TAOK1: variants seen among roughly 807,000 people sequenced by gnomAD.
TAOK1 encodes TAO kinase 1.
TAOK1 carries 21 observed loss-of-function variants against 138.3 expected under a neutral mutation model. The ratio of observed to expected loss-of-function variants is 0.15; its 90% CI spans 0.11 to 0.22. The LOEUF is 0.22. Among genes scored for constraint, TAOK1 ranks in the 10% least tolerant of loss-of-function variants. The probability of loss-of-function intolerance (pLI) is 1.00; values close to 1 mark genes in which losing one functional copy is unlikely to be tolerated. For missense variants in TAOK1, 651 were observed against 1,227.7 expected (o/e 0.53, Z 7.02); for synonymous variants, 361 against 398.4 (o/e 0.91, Z 1.12).
chr17:29,489,588 A>T, intron 8 of TAOK1, 76 bp from the exon 9 acceptor site: 1 of 938,574 alleles, frequency 1.1e-6, no homozygotes, highest in Non-Finnish European at 1.6e-6. Flanking sequence ...ATTTAAAAAA[A>T]AAAAAGGAAA....
At chr17:29,427,765 A>G (rs1228481732) in intron 1 of TAOK1, among the ~76,000 whole-genome samples, 1 of 151,820 alleles carries the variant, frequency 6.6e-6, no homozygotes, top group Non-Finnish European at 1.5e-5. Flanking sequence ...TGTCTCCACT[A>G]AAAATACAAA....
At chr17:29,497,223 C>T (rs557746603) in intron 11 of TAOK1, among the ~76,000 whole-genome samples, 1 of 151,304 alleles carries the variant, frequency 6.6e-6, no homozygotes, top group African/African-American at 2.4e-5. Flanking sequence ...ATTCTGAAAC[C>T]GTGCTCAATA....
chr17:29,401,368 C>G (rs900662670), intron 1 of TAOK1, among the ~76,000 whole-genome samples: 2 of 152,116 alleles, frequency 1.3e-5, no homozygotes, highest in African/African-American at 2.4e-5. Context: ...AGAAAACTTA[C>G]AATCATAGCG....
chr17:29,537,506 A>ATT (rs35498725), intron 19 of TAOK1, among the ~76,000 whole-genome samples: 1 of 123,340 alleles, frequency 8.1e-6, no homozygotes, highest in African/African-American at 3.0e-5. Context: ...ATGACCACTG[A>ATT]TTTTTTTTTT....
chr17:29,393,944 T>G (rs1598461022), intron 1 of TAOK1, among the ~76,000 whole-genome samples: 1 of 151,956 alleles, frequency 6.6e-6, no homozygotes, highest in African/African-American at 2.4e-5. Flanking sequence ...ATAATGTCGA[T>G]TTTGGGAGAA....
At chr17:29,421,346 G>A (rs1905439615) in intron 1 of TAOK1, among the ~76,000 whole-genome samples, 6 of 152,188 alleles carry the variant, frequency 3.9e-5, no homozygotes. Flanking sequence ...ATTTGTAAAT[G>A]TTTTGTTGCA....
intron 1 of TAOK1, among the ~76,000 whole-genome samples, chr17:29,437,107 G>A (rs568783262): frequency 8.5e-5 from 13 of 152,088 alleles, no homozygotes; most frequent in South Asian, 2.1e-4. Context: ...ACTGTTGCCC[G>A]GGCTGGAGTG....
chr17:29,451,112 C>T (rs947897665), intron 1 of TAOK1, among the ~76,000 whole-genome samples: 7 of 152,266 alleles, frequency 4.6e-5, no homozygotes, highest in African/African-American at 7.2e-5. Context: ...GCACATCTTG[C>T]GTTATTGTGT....
At chr17:29,453,900 G>A (rs762730255) in intron 2 of TAOK1, among the ~76,000 whole-genome samples, 25 of 150,328 alleles carry the variant, frequency 1.7e-4, no homozygotes, top group Non-Finnish European at 2.8e-4. Flanking sequence ...CTCAGCCTCC[G>A]TGGGCTCAGG....
At chr17:29,431,991 A>G (rs1905850778) in intron 1 of TAOK1, among the ~76,000 whole-genome samples, 1 of 151,976 alleles carries the variant, frequency 6.6e-6, no homozygotes, top group Non-Finnish European at 1.5e-5. Flanking sequence ...ACTTTTTAGT[A>G]GAGATGGGTG....
chr17:29,528,839 CAAAAAAAAAAAAA>C (rs58073512), intron 17 of TAOK1, among the ~76,000 whole-genome samples: 15 of 69,436 alleles, frequency 2.2e-4, no homozygotes, highest in Non-Finnish European at 2.5e-4. Flanking sequence ...GACTCCGTCT[CAAAAAAAAAAAAA>C]AAAAAAAAAA....
rs1353047035 is a variant in TAOK1, at chr17:29,514,992, C to T, written c.1705-2461C>T. 6.7e-5 allele frequency: 6 copies of T among 89,388 alleles called. No homozygotes were observed. The East Asian group carries it at 1.5e-3, about 23-fold the overall frequency. 5.5% of individuals were successfully genotyped at this position (89,388 alleles called of 1,614,324 possible). A position where few individuals can be genotyped will look rare whatever the true frequency, so the allele number is the denominator to read the frequency against. ...CCAGCCTGGGTCACAGAGTGAAATT[C>T]GATCTAAAAAAAAAAAAAAAAAAAA... On this transcript the variant is annotated intron_variant, in intron 15 of 19. Coordinates refer to ENST00000261716, the MANE Select transcript of TAOK1 (RefSeq NM_020791.4).
At chr17:29,398,076 A>G (rs901392816) in intron 1 of TAOK1, among the ~76,000 whole-genome samples, 6 of 152,044 alleles carry the variant, frequency 3.9e-5, no homozygotes, top group African/African-American at 1.2e-4. Flanking sequence ...TATGTTGCCC[A>G]ATCTGGTCTC....
intron 14 of TAOK1, among the ~76,000 whole-genome samples, chr17:29,509,915 G>A (rs971106866): frequency 2.0e-5 from 3 of 151,106 alleles, no homozygotes; most frequent in Non-Finnish European, 3.0e-5. Flanking sequence ...ACAGGCACTC[G>A]CCCTGTTACC....
At chr17:29,418,191 C>T (rs930822649) in intron 1 of TAOK1, among the ~76,000 whole-genome samples, 5 of 150,950 alleles carry the variant, frequency 3.3e-5, no homozygotes, top group Non-Finnish European at 7.4e-5. Flanking sequence ...CCAGCTTCTT[C>T]GTTTTGTTTC....
intron 17 of TAOK1, among the ~76,000 whole-genome samples, chr17:29,523,355 A>G (rs968328726): frequency 4.0e-5 from 6 of 151,294 alleles, no homozygotes; most frequent in African/African-American, 1.5e-4. Context: ...CCCTCCATCA[A>G]AGTCAACTGC....
intron 1 of TAOK1, among the ~76,000 whole-genome samples, chr17:29,425,227 G>C (rs767028674): frequency 5.9e-5 from 9 of 152,128 alleles, no homozygotes; most frequent in Non-Finnish European, 1.3e-4. Flanking sequence ...ACACCACCAT[G>C]CCCGGCTAAT....
chr17:29,522,846 G>A (rs776779582), intron 17 of TAOK1, among the ~76,000 whole-genome samples: 11 of 152,168 alleles, frequency 7.2e-5, no homozygotes, highest in East Asian at 1.9e-4. Context: ...AGGCCAAGGC[G>A]GGTGGATCAC....
At chr17:29,437,702 A>G (rs1029430626) in intron 1 of TAOK1, among the ~76,000 whole-genome samples, 5 of 150,632 alleles carry the variant, frequency 3.3e-5, no homozygotes, top group Non-Finnish European at 7.4e-5. Flanking sequence ...GTGAAGGAGT[A>G]CTTATGCCTT....
Sources: gnomAD v4.1 joint callset for allele counts (sites outside exome capture counted in the v4.1 genomes callset) on GRCh38, gnomAD v4.1.1 for gene constraint, MANE v1.5 for transcripts, NCBI Gene and HGNC (gene_info 2026-07-23, HGNC 2026-07-21) for gene names.